The following PLPP4 variants were observed in gnomAD, a reference collection of about 807,000 sequenced individuals.
PLPP4 encodes phospholipid phosphatase 4.
Under a neutral mutation model 32.2 loss-of-function variants are expected in PLPP4, and 20 were observed. The observed-to-expected ratio is 0.62, with a 90% CI of 0.44 to 0.90. The LOEUF is 0.90. Ranked by LOEUF, PLPP4 falls within the 40% of genes least tolerant of loss-of-function variation. PLPP4 has a pLI of 0.00. For missense variants in PLPP4, 257 were observed against 353.1 expected (o/e 0.73, Z 2.18); for synonymous variants, 127 against 133.0 (o/e 0.95, Z 0.31).
At chr10:120,541,429 A>G (rs1417704419) in intron 5 of PLPP4, among the ~76,000 whole-genome samples, 2 of 152,230 alleles carry the variant, frequency 1.3e-5, no homozygotes, top group East Asian at 1.9e-4. Flanking sequence ...CTGTCCTGAC[A>G]GGTACCTACT....
chr10:120,509,621 A>G (rs1252280995), intron 2 of PLPP4, among the ~76,000 whole-genome samples: 1 of 152,140 alleles, frequency 6.6e-6, no homozygotes, highest in Non-Finnish European at 1.5e-5. Flanking sequence ...GGAGCATGGC[A>G]ACCCAGTCTG....
intron 5 of PLPP4, among the ~76,000 whole-genome samples, chr10:120,523,646 C>T (rs965483674): frequency 6.6e-6 from 1 of 152,120 alleles, no homozygotes; most frequent in Admixed American, 6.6e-5. Flanking sequence ...GTTCTCTTCT[C>T]CTTTTCTTCT....
intron 6 of PLPP4, 96 bp from the exon 7 acceptor site, chr10:120,589,207 C>A: frequency 8.0e-7 from 1 of 1,248,366 alleles, no homozygotes; most frequent in Non-Finnish European, 1.2e-6. Flanking sequence ...AAACCAGGTC[C>A]TAGAACAGGA....
chr10:120,552,522 G>T (rs1442576662), intron 5 of PLPP4, among the ~76,000 whole-genome samples: 1 of 152,050 alleles, frequency 6.6e-6, no homozygotes, highest in Non-Finnish European at 1.5e-5. Flanking sequence ...ATAATGTCTT[G>T]GGAAGTCTCC....
In PLPP4 at chr10:120,573,048, T is replaced by C. The variant is rs1849017506; in HGVS notation, c.446-2083T>C. Reference sequence around the variant, plus strand: ...TAAATCATCAAGGCTCAGGTTCAAGTTCAACGGGGAGGAGAAAAAACAACA... The same window carrying C: ...TAAATCATCAAGGCTCAGGTTCAAGCTCAACGGGGAGGAGAAAAAACAACA... On this transcript the variant is annotated intron_variant, in intron 5 of 6. Transcript: ENST00000398250. 2.0e-5 allele frequency among the ~76,000 whole-genome samples: 3 copies of C among 152,222 alleles called. No individual in the cohort carries two copies. In the South Asian group the frequency reaches 6.2e-4, roughly 32 times the overall value.
intron 1 of PLPP4, among the ~76,000 whole-genome samples, chr10:120,473,867 C>T (rs913552466): frequency 2.6e-5 from 4 of 152,172 alleles, no homozygotes; most frequent in Admixed American, 6.5e-5. Context: ...CAGCCATGCT[C>T]CCTGTACAGT....
intron 1 of PLPP4, among the ~76,000 whole-genome samples, chr10:120,462,643 A>G (rs532637037): frequency 5.7e-4 from 87 of 152,356 alleles, no homozygotes; most frequent in Non-Finnish European, 9.7e-4. Context: ...GCATCAGTCC[A>G]AAGCAAAGCT....
At chr10:120,512,640 C>T (rs956742123) in intron 2 of PLPP4, among the ~76,000 whole-genome samples, 3 of 152,020 alleles carry the variant, frequency 2.0e-5, no homozygotes, top group African/African-American at 4.8e-5. Flanking sequence ...TGGTGAGACC[C>T]CATCTCTGCT....
intron 1 of PLPP4, among the ~76,000 whole-genome samples, chr10:120,478,303 A>G (rs1844028828): frequency 6.6e-6 from 1 of 152,192 alleles, no homozygotes; most frequent in South Asian, 2.1e-4. Flanking sequence ...CTGTTTCCCC[A>G]GGTGCAGCTT....
At chr10:120,575,709 A>G (rs1849191113) in intron 6 of PLPP4, among the ~76,000 whole-genome samples, 1 of 152,084 alleles carries the variant, frequency 6.6e-6, no homozygotes, top group Non-Finnish European at 1.5e-5. Context: ...GTCACCATGG[A>G]TGCTCTTCCG....
chr10:120,572,623 G>A (rs551627807), intron 5 of PLPP4, among the ~76,000 whole-genome samples: 11 of 152,180 alleles, frequency 7.2e-5, no homozygotes, highest in Non-Finnish European at 1.3e-4. Flanking sequence ...CCTGCATTTA[G>A]TGTAATTAGG....
At position 120,538,028 on chromosome 10, in the gene PLPP4, C is replaced by G. The variant is rs1440790802; in HGVS notation, c.445+16933C>G. ...TCTCTCTCTCTCTCTCTCTCTCTCT[C>G]TCTCTCTCTCTCTCTCTCTCTCTCT... On this transcript the variant is annotated intron_variant, in intron 5 of 6. Coordinates refer to ENST00000398250, the MANE Select transcript of PLPP4 (RefSeq NM_001030059.3). Among the ~76,000 whole-genome samples the G allele has an allele frequency of 9.8e-3, 541 of 55,106 alleles. 144 individuals are homozygous for G. The highest frequency in any genetic ancestry group is 0.015 in the Non-Finnish European group (324 of 21,914). The allele number at this position is 55,106 out of a possible 152,430, so 36.2% of individuals were successfully genotyped here.
At chr10:120,563,806 C>CAAAAAAA (rs139746974) in intron 5 of PLPP4, among the ~76,000 whole-genome samples, 4 of 86,462 alleles carry the variant, frequency 4.6e-5, no homozygotes, top group East Asian at 3.7e-4. Flanking sequence ...GACTCCGTCT[C>CAAAAAAA]AAAAAAAAAA....
chr10:120,493,417 G>C (rs1844807387), intron 1 of PLPP4, among the ~76,000 whole-genome samples: 1 of 152,182 alleles, frequency 6.6e-6, no homozygotes, highest in African/African-American at 2.4e-5. Flanking sequence ...GAAAGGGTCT[G>C]TGGTTCCAGT....
At chr10:120,569,979 T>C (rs937370547) in intron 5 of PLPP4, among the ~76,000 whole-genome samples, 1 of 152,212 alleles carries the variant, frequency 6.6e-6, no homozygotes, top group East Asian at 1.9e-4. Flanking sequence ...ACACATAGTT[T>C]CTAAAGAGCT....
At chr10:120,513,176 G>A (rs987904392) in intron 2 of PLPP4, among the ~76,000 whole-genome samples, 6 of 152,126 alleles carry the variant, frequency 3.9e-5, no homozygotes, top group South Asian at 2.1e-4. Context: ...TCCTAGCCTC[G>A]CCCCTCTCCA....
intron 1 of PLPP4, among the ~76,000 whole-genome samples, chr10:120,503,344 C>T (rs750846337): frequency 6.6e-6 from 1 of 152,182 alleles, no homozygotes; most frequent in South Asian, 2.1e-4. Context: ...CATCTCTGCC[C>T]CTTTCTTCCC....
chr10:120,508,886 G>A (rs1372297985), intron 2 of PLPP4, among the ~76,000 whole-genome samples: 1 of 152,166 alleles, frequency 6.6e-6, no homozygotes, highest in Non-Finnish European at 1.5e-5. Flanking sequence ...CCTTTTAACA[G>A]TCTTTTCTAG....
At chr10:120,509,975 C>A (rs549783826) in intron 2 of PLPP4, among the ~76,000 whole-genome samples, 43 of 152,336 alleles carry the variant, frequency 2.8e-4, no homozygotes, top group Non-Finnish European at 4.1e-4. Context: ...GGTCTGGGTG[C>A]AACTCCTCAT....
Sources: gnomAD v4.1 joint callset for allele counts (sites outside exome capture counted in the v4.1 genomes callset) on GRCh38, gnomAD v4.1.1 for gene constraint, MANE v1.5 for transcripts, NCBI Gene and HGNC (gene_info 2026-07-23, HGNC 2026-07-21) for gene names.